The following CREB5 variants were observed in gnomAD, a reference collection of about 807,000 sequenced individuals.
The protein encoded by CREB5 is cAMP responsive element binding protein 5.
A neutral mutation model predicts 57.1 loss-of-function variants in CREB5; 19 were observed. The ratio of observed to expected loss-of-function variants is 0.33; its 90% CI spans 0.23 to 0.49. The LOEUF (loss-of-function observed/expected upper bound fraction) is 0.49, where lower values mean the gene tolerates loss of function less well. Ranked by LOEUF, CREB5 falls within the 20% of genes least tolerant of loss-of-function variation. CREB5 has a pLI of 0.99. For missense variants in CREB5, 579 were observed against 671.6 expected, an observed-to-expected ratio of 0.86 and a Z score of 1.52; for synonymous variants, 238 against 238.3, an observed-to-expected ratio of 1.00 and a Z score of 0.01.
At chr7:28,501,533 T>C (rs1792273895) in intron 3 of CREB5, among the ~76,000 whole-genome samples, 1 of 152,226 alleles carries the variant, frequency 6.6e-6, no homozygotes, top group South Asian at 2.1e-4. Context: ...CTTGCTGTCT[T>C]CGTTCTGTCT....
At chr7:28,440,213 G>A (rs1032585575) in intron 1 of CREB5, among the ~76,000 whole-genome samples, 6 of 152,104 alleles carry the variant, frequency 3.9e-5, no homozygotes, top group Non-Finnish European at 7.4e-5. Context: ...ACTCCAGTCC[G>A]ACAACATTGA....
intron 1 of CREB5, among the ~76,000 whole-genome samples, chr7:28,323,994 A>G (rs527787894): frequency 8.5e-5 from 13 of 152,230 alleles, no homozygotes; most frequent in South Asian, 2.1e-4. Context: ...TGAGAATCCA[A>G]TGCCCGTGCT....
chr7:28,322,045 C>T (rs2127984405), intron 1 of CREB5, among the ~76,000 whole-genome samples: 1 of 152,256 alleles, frequency 6.6e-6, no homozygotes, highest in East Asian at 1.9e-4. Flanking sequence ...ATTTATTAAA[C>T]TTAGGGAGAA....
intron 1 of CREB5, among the ~76,000 whole-genome samples, chr7:28,443,213 T>C (rs1789279859): frequency 6.6e-6 from 1 of 152,198 alleles, no homozygotes; most frequent in East Asian, 1.9e-4. Flanking sequence ...TATCACTTCC[T>C]CTTGTTCCTA....
chr7:28,681,754 G>A (rs1210222817), intron 5 of CREB5, among the ~76,000 whole-genome samples: 1 of 152,212 alleles, frequency 6.6e-6, no homozygotes, highest in Non-Finnish European at 1.5e-5. Flanking sequence ...TGGTAGCCCA[G>A]CAAGGAGACC....
rs1787861007 is a variant in CREB5, at chr7:28,412,857, A to C, written c.-58A>C. On this transcript the variant is annotated 5_prime_UTR_variant, in exon 1 of 11. Transcript: ENST00000357727. The stretch of plus-strand genomic sequence containing the variant: ...AGAAGTTACTAGAAAGAAAGGAAGA[A>C]AAAACTTGATTTGGTGACTGCAGGA... 2.1e-6 allele frequency: 3 copies of C among 1,447,216 alleles called. No individual in the cohort carries two copies. The Admixed American group carries it at 7.3e-5, about 35-fold the overall frequency. 89.6% of individuals were successfully genotyped at this position (1,447,216 alleles called of 1,614,324 possible).
chr7:28,686,187 A>T, intron 5 of CREB5: 1 of 1,612,194 alleles, frequency 6.2e-7, no homozygotes, highest in Non-Finnish European at 8.5e-7. Flanking sequence ...AGCCTCAGTG[A>T]TGTCCATGAG....
intron 1 of CREB5, among the ~76,000 whole-genome samples, chr7:28,372,260 T>G (rs1163873760): frequency 1.3e-5 from 2 of 152,148 alleles, no homozygotes. Context: ...GCAAGTAATA[T>G]AAAAGGGTGA....
chr7:28,765,218 G>A (rs1292855230), intron 7 of CREB5, among the ~76,000 whole-genome samples: 1 of 152,150 alleles, frequency 6.6e-6, no homozygotes. Flanking sequence ...ATGGATTTGA[G>A]GTGATGGTGG....
chr7:28,717,083 A>ATTTTT (rs1583603548), intron 5 of CREB5, among the ~76,000 whole-genome samples: 7 of 79,892 alleles, frequency 8.8e-5, no homozygotes, highest in South Asian at 8.0e-4. Context: ...AAGGCTTTAT[A>ATTTTT]TTCTTTTTTT....
chr7:28,522,579 G>T (rs1279308520), intron 4 of CREB5, among the ~76,000 whole-genome samples: 2 of 151,828 alleles, frequency 1.3e-5, no homozygotes, highest in African/African-American at 4.8e-5. Flanking sequence ...TGTATTTTTA[G>T]TAGAGATGGG....
At chr7:28,525,595 G>A (rs1441370904) in intron 4 of CREB5, among the ~76,000 whole-genome samples, 2 of 151,620 alleles carry the variant, frequency 1.3e-5, no homozygotes. Context: ...TGAGCATTTT[G>A]AAAAAAAATG....
chr7:28,503,651 C>A (rs1256992981), intron 3 of CREB5, among the ~76,000 whole-genome samples: 1 of 152,170 alleles, frequency 6.6e-6, no homozygotes, highest in African/African-American at 2.4e-5. Flanking sequence ...TGAATTCAGG[C>A]TGGCATGTGA....
chr7:28,788,893 G>GTA (rs1446867233), intron 7 of CREB5, among the ~76,000 whole-genome samples: 1 of 151,460 alleles, frequency 6.6e-6, no homozygotes, highest in Non-Finnish European at 1.5e-5. Flanking sequence ...AGCCCACGCT[G>GTA]TACATCACCC....
At chr7:28,355,671 G>T (rs1786325069) in intron 1 of CREB5, among the ~76,000 whole-genome samples, 2 of 152,210 alleles carry the variant, frequency 1.3e-5, no homozygotes, top group South Asian at 4.2e-4. Context: ...GCATACCCAT[G>T]CCAACAGCCA....
chr7:28,374,223 T>G (rs1036388073), intron 1 of CREB5, among the ~76,000 whole-genome samples: 7 of 152,180 alleles, frequency 4.6e-5, no homozygotes, highest in Non-Finnish European at 7.4e-5. Flanking sequence ...CAATACCTAG[T>G]GCTAGAGATG....
intron 5 of CREB5, among the ~76,000 whole-genome samples, chr7:28,699,381 A>G (rs1250813066): frequency 1.3e-5 from 2 of 152,196 alleles, no homozygotes; most frequent in East Asian, 1.9e-4. Flanking sequence ...TTTTAATTCT[A>G]TGCTGGAAGT....
chr7:28,636,159 C>G (rs1043864956), intron 5 of CREB5, among the ~76,000 whole-genome samples: 1 of 152,068 alleles, frequency 6.6e-6, no homozygotes, highest in African/African-American at 2.4e-5. Flanking sequence ...CACACAATAC[C>G]CTTCACTTGA....
intron 5 of CREB5, among the ~76,000 whole-genome samples, chr7:28,662,269 G>T (rs1161195801): frequency 6.6e-6 from 1 of 152,202 alleles, no homozygotes; most frequent in Non-Finnish European, 1.5e-5. Flanking sequence ...ACCTAACATG[G>T]TTTGGACAAG....
Sources: allele counts gnomAD v4.1 joint callset (sites outside exome capture counted in the v4.1 genomes callset), GRCh38; gene constraint gnomAD v4.1.1; transcripts MANE v1.5; gene names NCBI Gene and HGNC (gene_info 2026-07-23, HGNC 2026-07-21).